PAX2: variants seen among roughly 807,000 people sequenced by gnomAD.
The protein encoded by PAX2 is paired box protein Pax-2.
PAX2 carries 9 observed loss-of-function variants against 41.7 expected under a neutral mutation model. The observed-to-expected ratio is 0.22, with a 90% confidence interval of 0.13 to 0.38. The LOEUF (loss-of-function observed/expected upper bound fraction) is 0.38. Ranked by LOEUF, PAX2 falls within the 10% of genes least tolerant of loss-of-function variation. PAX2 has a pLI of 1.00. For missense variants in PAX2, 418 were observed against 531.6 expected, an observed-to-expected ratio of 0.79 and a Z score of 2.10; for synonymous variants, 221 against 212.7, an observed-to-expected ratio of 1.04 and a Z score of -0.34.
chr10:100,804,649 C>T (rs1847695482), intron 5 of PAX2, among the ~76,000 whole-genome samples: 1 of 152,228 alleles, frequency 6.6e-6, no homozygotes, highest in Admixed American at 6.5e-5. Context: ...CACACAGACA[C>T]ACACATTCTT....
chr10:100,824,601 G>A lies in PAX2; in HGVS notation c.920-47G>A, dbSNP rs754943850. 4 of 1,253,018 alleles carry A rather than the reference G, an allele frequency of 3.2e-6. No individual in the cohort carries two copies. Among genetic ancestry groups the A allele is most frequent in the Non-Finnish European group, 3.5e-6 (3 of 849,588 alleles). The allele number at this position is 1,253,018 out of a possible 1,614,324, so 77.6% of individuals were successfully genotyped here. A position where few individuals can be genotyped will look rare whatever the true frequency, so the allele number is the denominator to read the frequency against. ...CAGTACCCTGGTGTGAGTAGAGGCA[G>A]GCCCCTTTCTTCCAGGCCTCACCCC... On this transcript the variant is annotated intron_variant, in intron 7 of 9. Transcript: ENST00000355243. This position sits in a 1 kb window ranked among gnomAD's most constrained non-coding sequence, Gnocchi z 6.6.
chr10:100,738,205 G>A (rs555885900), intron 1 of PAX2, among the ~76,000 whole-genome samples: 23 of 152,192 alleles, frequency 1.5e-4, no homozygotes, highest in African/African-American at 5.3e-4. Context: ...CTCCCCATTC[G>A]GGCGCCAGGC....
In PAX2 at chr10:100,735,739, A is replaced by T. The variant is rs922628640; in HGVS notation, c.25+6A>T. On this transcript the variant is annotated splice_donor_region_variant and intron_variant, in intron 1 of 9. Transcript: ENST00000679374. ...AGAGCGCGCGGGTCCGGCAGGTAAG[A>T]GCGGCAGAGACCCGTCCGCGCCGCA... 1.9e-4 allele frequency: 202 copies of T among 1,039,148 alleles called. No homozygotes were observed. In the African/African-American group the frequency reaches 2.9e-3, roughly 15 times the overall value. The allele number at this position is 1,039,148 out of a possible 1,614,324, so 64.4% of individuals were successfully genotyped here.
At chr10:100,779,650 A>G in intron 4 of PAX2, 67 bp downstream of exon 4, 1 of 1,246,770 alleles carries the variant, frequency 8.0e-7, no homozygotes, top group East Asian at 2.5e-5. Context: ...ACGCAGCTCC[A>G]CCCCTGGGAA....
At chr10:100,740,660 A>G (rs1844921066), upstream of PAX2, among the ~76,000 whole-genome samples, 1 of 152,252 alleles carries the variant, frequency 6.6e-6, no homozygotes, top group Non-Finnish European at 1.5e-5. Flanking sequence ...AGTAGACAAG[A>G]CAGGCGTAAT....
chr10:100,802,192 A>G (rs887521896), intron 5 of PAX2, among the ~76,000 whole-genome samples: 3 of 152,192 alleles, frequency 2.0e-5, no homozygotes, highest in African/African-American at 7.2e-5. Flanking sequence ...AAATGTGGCC[A>G]GAGAATGGGG....
At chr10:100,803,271 C>A (rs1000301893) in intron 5 of PAX2, among the ~76,000 whole-genome samples, 28 of 152,192 alleles carry the variant, frequency 1.8e-4, no homozygotes, top group East Asian at 9.7e-4. Flanking sequence ...AGGCTTCTTC[C>A]CTTTCTTCCC....
intron 7 of PAX2, among the ~76,000 whole-genome samples, chr10:100,814,351 CAAAAA>C (rs11458573): frequency 1.9e-5 from 1 of 53,728 alleles, no homozygotes; most frequent in Non-Finnish European, 3.0e-5. Context: ...GACTCCATCT[CAAAAA>C]AAAAAAAAAA....
intron 7 of PAX2, among the ~76,000 whole-genome samples, chr10:100,815,119 C>G (rs1848144396): frequency 6.6e-6 from 1 of 152,212 alleles, no homozygotes; most frequent in Non-Finnish European, 1.5e-5. Flanking sequence ...CTCAGGGCAT[C>G]CTGAGGACCT....
intron 5 of PAX2, among the ~76,000 whole-genome samples, chr10:100,804,271 T>TACACACACACACACAC (rs10639967): frequency 0.036 from 5,259 of 147,792 alleles, 140 homozygotes; most frequent in African/African-American, 0.07. Flanking sequence ...GTTCAGCCCC[T>TACACACACACACACAC]ACACACACAC....
At chr10:100,806,138 T>G (rs544976652) in intron 5 of PAX2, among the ~76,000 whole-genome samples, 1 of 152,274 alleles carries the variant, frequency 6.6e-6, no homozygotes, top group East Asian at 1.9e-4. Flanking sequence ...AGCTGGCTCC[T>G]GGGAGCCCCC....
chr10:100,827,838 G>T lies in PAX2; in HGVS notation c.*219G>T. 1 of 653,602 alleles carries T rather than the reference G, an allele frequency of 1.5e-6. No individual in the cohort carries two copies. Among genetic ancestry groups the T allele is most frequent in the Non-Finnish European group, 2.6e-6 (1 of 390,730 alleles). 40.5% of individuals were successfully genotyped at this position (653,602 alleles called of 1,614,324 possible). A position where few individuals can be genotyped will look rare whatever the true frequency, so the allele number is the denominator to read the frequency against. ...GCCGTGGGCGGGACCCTCAGGCCCG[G>T]GCCCGCCGCCCCCAGCCCCGCCTGC... On this transcript the variant is annotated 3_prime_UTR_variant, in exon 10 of 10. Coordinates refer to ENST00000355243, the MANE Select transcript of PAX2 (RefSeq NM_000278.5). The surrounding 1 kb of genome is among the most constrained non-coding windows in gnomAD (Gnocchi z 8.5).
chr10:100,812,018 C>T (rs968163973), intron 7 of PAX2, among the ~76,000 whole-genome samples: 1 of 152,220 alleles, frequency 6.6e-6, no homozygotes, highest in African/African-American at 2.4e-5. Context: ...TCCACAAGGT[C>T]AGGACTGAGA....
intron 3 of PAX2, among the ~76,000 whole-genome samples, chr10:100,752,512 G>C (rs557129342): frequency 3.9e-4 from 59 of 152,318 alleles, no homozygotes; most frequent in Middle Eastern, 6.8e-3. Flanking sequence ...TGCTGGTCCT[G>C]GGCATGAGTT....
intron 3 of PAX2, among the ~76,000 whole-genome samples, chr10:100,762,758 A>C (rs1209307546): frequency 6.6e-6 from 1 of 152,258 alleles, no homozygotes; most frequent in Non-Finnish European, 1.5e-5. Context: ...GTACGAAGTC[A>C]CAAACCGGCT....
rs1847792940 is a variant in PAX2 at position 100,806,623 on chromosome 10, T to C, written c.792+18T>C. On this transcript the variant is annotated intron_variant, in intron 6 of 9. Transcript: ENST00000355243. ...CAGAACAGGTGAGGAGGGAGCTTTC[T>C]GCTTGCAGAAGTAGAAAGGAGCCGG... The C allele has an allele frequency of 6.2e-7, 1 of 1,611,942 alleles. No individual in the cohort carries two copies. Among genetic ancestry groups the C allele is most frequent in the Non-Finnish European group, 8.5e-7 (1 of 1,179,150 alleles).
chr10:100,781,142 T>G (rs1311419793), intron 4 of PAX2, 104 bp from the exon 5 acceptor site: 2 of 1,166,656 alleles, frequency 1.7e-6, no homozygotes, highest in Non-Finnish European at 2.6e-6. Context: ...TCATCCCTCC[T>G]TATGTCCTCT....
chr10:100,784,600 G>A (rs769700890), intron 5 of PAX2, among the ~76,000 whole-genome samples: 3 of 152,176 alleles, frequency 2.0e-5, no homozygotes, highest in Admixed American at 1.3e-4. Context: ...ACAATGTCAC[G>A]GTGATGGGCA....
chr10:100,766,207 G>A (rs1846024024), intron 3 of PAX2, among the ~76,000 whole-genome samples: 2 of 152,200 alleles, frequency 1.3e-5, no homozygotes, highest in Non-Finnish European at 2.9e-5. Context: ...TGGATCAAGG[G>A]AAGTGCAGGC....
Sources: allele counts gnomAD v4.1 joint callset (sites outside exome capture counted in the v4.1 genomes callset), GRCh38; gene constraint gnomAD v4.1.1; non-coding constraint Gnocchi (gnomAD v3.1); transcripts MANE v1.5; gene names NCBI Gene and HGNC (gene_info 2026-07-23, HGNC 2026-07-21).